Variants in RFLNA observed in about 807,000 individuals in gnomAD.
The protein encoded by RFLNA is refilin-A.
In RFLNA, 5 loss-of-function variants were observed where a neutral mutation model predicts 7.8. That is an observed-to-expected ratio of 0.64 (90% CI 0.34 to 1.35). The LOEUF (loss-of-function observed/expected upper bound fraction) is 1.35. RFLNA is among the 40% of genes most tolerant of loss of function. The pLI is 0.04. For missense variants in RFLNA, 278 were observed against 305.5 expected (o/e 0.91, Z 0.67); for synonymous variants, 141 against 131.3 (o/e 1.07, Z -0.50).
At chr12:124,296,537 G>A (rs1040892238) in intron 1 of RFLNA, among the ~76,000 whole-genome samples, 8 of 147,374 alleles carry the variant, frequency 5.4e-5, no homozygotes, top group African/African-American at 1.7e-4. Context: ...TTACTGCTGG[G>A]GCGTGTGTGC....
chr12:124,300,769 T>TGGAC (rs2034018786), intron 1 of RFLNA, among the ~76,000 whole-genome samples: 1 of 114,490 alleles, frequency 8.7e-6, no homozygotes, highest in African/African-American at 3.4e-5. Context: ...GATGGATGGA[T>TGGAC]GGATTGACGG....
chr12:124,299,192 G>A (rs2033983754), intron 1 of RFLNA, among the ~76,000 whole-genome samples: 1 of 152,250 alleles, frequency 6.6e-6, no homozygotes, highest in East Asian at 1.9e-4. Flanking sequence ...GCCCGTGCGG[G>A]ACGCAGAATG....
At chr12:124,309,867 C>T (rs1566327989) in intron 1 of RFLNA, among the ~76,000 whole-genome samples, 2 of 152,208 alleles carry the variant, frequency 1.3e-5, no homozygotes, top group South Asian at 2.1e-4. Context: ...ACATCTAGGG[C>T]TGCCTTAAAA....
chr12:124,296,086 T>C (rs958021088), intron 1 of RFLNA, among the ~76,000 whole-genome samples: 1 of 4,750 alleles, frequency 2.1e-4, no homozygotes, highest in Non-Finnish European at 6.7e-4. Context: ...CTTTCTTTCT[T>C]TCTTTCTTTC....
At chr12:124,301,268 T>C (rs939873325) in intron 1 of RFLNA, among the ~76,000 whole-genome samples, 19 of 152,214 alleles carry the variant, frequency 1.2e-4, no homozygotes, top group Non-Finnish European at 2.8e-4. Flanking sequence ...TTCAGCAAAG[T>C]GTCTGACAGC....
intron 1 of RFLNA, among the ~76,000 whole-genome samples, chr12:124,310,700 G>A (rs2034229343): frequency 6.6e-6 from 1 of 152,176 alleles, no homozygotes; most frequent in Admixed American, 6.5e-5. Flanking sequence ...CTTCCACAGG[G>A]AGTGGAATTT....
At chr12:124,303,796 A>G (rs974561586) in intron 1 of RFLNA, among the ~76,000 whole-genome samples, 1 of 152,080 alleles carries the variant, frequency 6.6e-6, no homozygotes, top group African/African-American at 2.4e-5. Context: ...TGTCTAGACC[A>G]GAACAGGAGC....
At position 124,306,259 on chromosome 12, in the gene RFLNA, G is replaced by A. The variant is rs550441393; in HGVS notation, c.208-5559G>A. On this transcript the variant is annotated intron_variant, in intron 1 of 2. Coordinates refer to ENST00000546355, the MANE Select transcript of RFLNA (RefSeq NM_001365156.1). The surrounding 1 kb of genome is among the most constrained non-coding windows in gnomAD (Gnocchi z 5.2). ...GACAGACACGCAAAGGGGTTATCGC[G>A]ATGAAGGCCAGTAGATGGGTGCTCC... Among the ~76,000 whole-genome samples the A allele has an allele frequency of 1.1e-4, 17 of 152,314 alleles. No homozygotes were observed. In the East Asian group the frequency reaches 2.3e-3, roughly 21 times the overall value.
At chr12:124,298,264 A>G (rs1159356078) in intron 1 of RFLNA, among the ~76,000 whole-genome samples, 2 of 152,182 alleles carry the variant, frequency 1.3e-5, no homozygotes, top group Non-Finnish European at 2.9e-5. Flanking sequence ...CGTGCATGTT[A>G]AACCTGCCTA....
intron 1 of RFLNA, 79 bp from the exon 2 acceptor site, chr12:124,311,739 G>T: frequency 7.7e-7 from 1 of 1,295,392 alleles, no homozygotes; most frequent in Non-Finnish European, 1.0e-6. Flanking sequence ...GGTGTCAGGT[G>T]GTCCTGTGTG....
intron 1 of RFLNA, among the ~76,000 whole-genome samples, chr12:124,304,775 C>A (rs971582676): frequency 6.6e-6 from 1 of 152,238 alleles, no homozygotes; most frequent in Non-Finnish European, 1.5e-5. Flanking sequence ...CCTCCCCAAA[C>A]CTTAGTGCTC....
intron 1 of RFLNA, 101 bp from the exon 2 acceptor site, chr12:124,311,717 C>A: frequency 8.7e-7 from 1 of 1,154,472 alleles, no homozygotes; most frequent in Non-Finnish European, 1.2e-6. Context: ...CCAGACCAAG[C>A]CAGGGCCAGA....
At chr12:124,305,648 G>A (rs74486769) in intron 1 of RFLNA, among the ~76,000 whole-genome samples, 6,109 of 152,222 alleles carry the variant, frequency 0.04, 228 homozygotes, top group East Asian at 0.14. Flanking sequence ...CATCAAAGCC[G>A]GCAGTGCAGC....
intron 1 of RFLNA, among the ~76,000 whole-genome samples, chr12:124,298,498 C>T (rs955965054): frequency 4.6e-5 from 7 of 152,228 alleles, no homozygotes; most frequent in African/African-American, 1.7e-4. Context: ...TGGGAACATT[C>T]CCGATCACTC....
intron 1 of RFLNA, among the ~76,000 whole-genome samples, chr12:124,296,013 GGC>G (rs2033902027): frequency 6.6e-6 from 1 of 151,398 alleles, no homozygotes; most frequent in African/African-American, 2.4e-5. Flanking sequence ...ATCTGGACCC[GGC>G]CCCTCTGCTG....
chr12:124,295,686 T>A, intron 1 of RFLNA, 50 bp downstream of exon 1: 1 of 1,229,776 alleles, frequency 8.1e-7, no homozygotes, highest in African/African-American at 1.6e-5. Context: ...GGCGGGTGGG[T>A]GAGGGCTGCC....
chr12:124,290,534 TTA>T (rs201187336), upstream of RFLNA, among the ~76,000 whole-genome samples: 3,176 of 152,230 alleles, frequency 0.021, 44 homozygotes, highest in Non-Finnish European at 0.032. The surrounding 1 kb of genome is among the most constrained non-coding windows in gnomAD (Gnocchi z 4.0). Context: ...ATATTTGTGT[TTA>T]TGTGTATATA....
At chr12:124,294,894 G>A (rs2033876966), upstream of RFLNA, among the ~76,000 whole-genome samples, 1 of 152,236 alleles carries the variant, frequency 6.6e-6, no homozygotes, top group Non-Finnish European at 1.5e-5. Context: ...CGGTGCGCCA[G>A]TGTGGTGCTT....
chr12:124,298,004 C>T (rs1319553614), intron 1 of RFLNA, among the ~76,000 whole-genome samples: 2 of 152,238 alleles, frequency 1.3e-5, no homozygotes, highest in Non-Finnish European at 2.9e-5. Context: ...CTGCGCCTCG[C>T]GGCTGAGGGT....
Sources: gnomAD v4.1 joint callset for allele counts (sites outside exome capture counted in the v4.1 genomes callset) on GRCh38, gnomAD v4.1.1 for gene constraint, Gnocchi (gnomAD v3.1) non-coding constraint, MANE v1.5 for transcripts, NCBI Gene and HGNC (gene_info 2026-07-23, HGNC 2026-07-21) for gene names.